GAS6: variants seen among roughly 807,000 people sequenced by gnomAD.
GAS6 encodes growth arrest-specific protein 6.
GAS6 carries 41 observed loss-of-function variants against 75.8 expected under a neutral mutation model. The ratio of observed to expected loss-of-function variants is 0.54; its 90% CI spans 0.42 to 0.70. The LOEUF (loss-of-function observed/expected upper bound fraction) is 0.70. Ranked by LOEUF, GAS6 falls within the 30% of genes least tolerant of loss-of-function variation. The pLI, the probability that GAS6 is intolerant of heterozygous loss-of-function variation, is 0.00. For missense variants in GAS6, 854 were observed against 940.2 expected (o/e 0.91, Z 1.20); for synonymous variants, 432 against 412.6 (o/e 1.05, Z -0.57).
chr13:113,827,103 G>A lies in GAS6; in HGVS notation c.1370C>T (p.Thr457Ile). ...GTTCACTTTCACCGTTTCCTGGATG[G>A]TGGTGTCTTCTCCGTTCAGCCAGTT... is the stretch of plus-strand genomic sequence containing the variant. ...SWNWLNGEDTTIQETVKVNTR... is the reference protein window; with the variant it reads ...SWNWLNGEDTIIQETVKVNTR... The change falls in exon 12 of 15, where the codon ACC becomes ATC. Residue 457 changes from threonine (T) to isoleucine (I), a missense_variant. Thr to Ile is a moderately conservative substitution (Grantham distance 89). Transcript: ENST00000327773. 4.3e-6 allele frequency: 7 copies of A among 1,613,442 alleles called. No homozygotes were observed. The highest frequency in any genetic ancestry group is 5.9e-6 in the Non-Finnish European group (7 of 1,179,896).
chr13:113,824,449 T>C (rs1337522928), intron 12 of GAS6, among the ~76,000 whole-genome samples: 1 of 151,552 alleles, frequency 6.6e-6, no homozygotes, highest in Non-Finnish European at 1.5e-5. Flanking sequence ...CGGGAACATG[T>C]GTGGTCTCCC....
intron 3 of GAS6, chr13:113,847,207 T>G (rs1236824282): frequency 7.1e-6 from 2 of 281,880 alleles, no homozygotes; most frequent in Non-Finnish European, 1.4e-5. Context: ...GAAGGCCTCC[T>G]GCAGGTGTGC....
At chr13:113,855,411 G>A (rs1156991872) in intron 2 of GAS6, among the ~76,000 whole-genome samples, 2 of 152,214 alleles carry the variant, frequency 1.3e-5, no homozygotes, top group African/African-American at 4.8e-5. Context: ...CAGCCACCAC[G>A]TTCTATGATC....
chr13:113,863,859 A>G lies in GAS6; in HGVS notation c.62T>C (p.Leu21Pro). Reference sequence around the variant, plus strand: ...AAGCGCGCACTCCGCGGCCAGCAGCAGCAGCAGCAGCTGCGGCGCGCGGCG... The same window carrying G: ...AAGCGCGCACTCCGCGGCCAGCAGCGGCAGCAGCAGCTGCGGCGCGCGGCG... ...ALRRAPQLLL[L>P]LLAAECALAA... is the part of the protein sequence containing the mutation. The change falls in exon 1 of 15, where the codon CTG becomes CCG. Residue 21 changes from leucine to proline, a missense_variant. Transcript: ENST00000327773. This position sits in a 1 kb window ranked among gnomAD's most constrained non-coding sequence, Gnocchi z 9.4. 8.0e-7 allele frequency: 1 copy of G among 1,254,040 alleles called. No homozygotes were observed. Among genetic ancestry groups the G allele is most frequent in the Non-Finnish European group, 1.0e-6 (1 of 1,003,378 alleles). The allele number at this position is 1,254,040 out of a possible 1,614,324, so 77.7% of individuals were successfully genotyped here.
rs773402879 is a variant in GAS6 at position 113,851,247 on chromosome 13, ATGAG to A, written c.256-3201_256-3198del. Among the ~76,000 whole-genome samples the A allele has an allele frequency of 1.9e-3, 292 of 151,334 alleles. 1 individual carries two copies. The highest frequency in any genetic ancestry group is 2.4e-3 in the Non-Finnish European group (165 of 67,856). ...GATGGATGGATGAATGAATAAAACA[ATGAG>A]TGAATAGATGGATGAGTGAGTGTAT... is the stretch of plus-strand genomic sequence containing the variant. On this transcript the variant is annotated intron_variant, in intron 2 of 14. Coordinates refer to ENST00000327773, the MANE Select transcript of GAS6 (RefSeq NM_000820.4).
At position 113,824,092 on chromosome 13, in the gene GAS6, AGCACCCGCGGTCTGAGT is replaced by A. The variant is rs1270705911; in HGVS notation, c.1478-559_1478-543del. On this transcript the variant is annotated intron_variant, in intron 12 of 14. Coordinates refer to ENST00000327773, the MANE Select transcript of GAS6 (RefSeq NM_000820.4). ...GCGGTCTGGGGTCTGAGCTGTCAGG[AGCACCCGCGGTCTGAGT>A]TCTGAGCTGTCAGGAGCACCGTGGT... Among the ~76,000 whole-genome samples the A allele has an allele frequency of 3.4e-3, 500 of 147,814 alleles. 5 individuals carry two copies. The highest frequency in any genetic ancestry group is 9.8e-3 in the African/African-American group (388 of 39,554).
At chr13:113,835,693 G>C (rs1312284287) in intron 6 of GAS6, 58 bp from the exon 7 acceptor site, 1 of 1,588,736 alleles carries the variant, frequency 6.3e-7, no homozygotes, top group South Asian at 1.1e-5. Flanking sequence ...ACGGGGCTGG[G>C]GCAGGCGGCT....
At chr13:113,843,828 T>C (rs1254738583) in intron 4 of GAS6, 1 of 150,830 alleles carries the variant, frequency 6.6e-6, no homozygotes, top group African/African-American at 2.5e-5. Flanking sequence ...AATTTCACAA[T>C]GACCGATAAC....
chr13:113,862,199 C>T (rs1257064862), intron 2 of GAS6, among the ~76,000 whole-genome samples: 1 of 152,214 alleles, frequency 6.6e-6, no homozygotes, highest in African/African-American at 2.4e-5. Flanking sequence ...CCCTGCAGGT[C>T]CTGGAGGACA....
In GAS6 at chr13:113,863,468, G is replaced by A; in HGVS notation, c.255+107C>T. ...GGGGCTCCTGGGACCCTGAGGCCAG[G>A]CCTCGCCGCGCGGAGCTGGGGGGCG... On this transcript the variant is annotated intron_variant, in intron 2 of 14. Coordinates refer to ENST00000327773, the MANE Select transcript of GAS6 (RefSeq NM_000820.4). The surrounding 1 kb of genome is among the most constrained non-coding windows in gnomAD (Gnocchi z 9.4). 1 of 1,160,280 alleles carries A rather than the reference G, an allele frequency of 8.6e-7. No homozygotes were observed. 71.9% of individuals were successfully genotyped at this position (1,160,280 alleles called of 1,614,324 possible).
intron 4 of GAS6, among the ~76,000 whole-genome samples, chr13:113,846,245 C>T (rs776517024): frequency 6.6e-6 from 1 of 152,246 alleles, no homozygotes; most frequent in African/African-American, 2.4e-5. Flanking sequence ...ACTGTAACTA[C>T]GGTGGTGTCT....
intron 10 of GAS6, 45 bp downstream of exon 10, chr13:113,832,254 G>A: frequency 1.3e-6 from 2 of 1,576,350 alleles, no homozygotes; most frequent in Non-Finnish European, 1.7e-6. Context: ...TCTGGCTCAG[G>A]GAGAACCCCG....
chr13:113,830,773 GGGCCCCTCCTCCCCA>G lies in GAS6; in HGVS notation c.1143+1511_1143+1525del, dbSNP rs1566358465. 8.6e-4 allele frequency among the ~76,000 whole-genome samples: 105 copies of G among 121,518 alleles called. 9 individuals are homozygous for G. Among genetic ancestry groups the G allele is most frequent in the Middle Eastern group, 4.5e-3 (1 of 220 alleles). The allele number at this position is 121,518 out of a possible 152,430, so 79.7% of individuals were successfully genotyped here. On this transcript the variant is annotated intron_variant, in intron 10 of 14. Coordinates refer to ENST00000327773, the MANE Select transcript of GAS6 (RefSeq NM_000820.4). ...GACCTCGCCTCAGGCCACCTGCCCC[GGGCCCCTCCTCCCCA>G]TGGCTCCATCCCCTGCAACACCGCT...
At chr13:113,825,824 A>G (rs12866537) in intron 12 of GAS6, among the ~76,000 whole-genome samples, 20,018 of 114,352 alleles carry the variant, frequency 0.18, 1,441 homozygotes, top group Middle Eastern at 0.26. Context: ...ACCCGGGGGG[A>G]GACGGTGACA....
At position 113,837,362 on chromosome 13, in the gene GAS6, C is replaced by T. The variant is rs566458806; in HGVS notation, c.589+707G>A. On this transcript the variant is annotated intron_variant, in intron 6 of 14. Coordinates refer to ENST00000327773, the MANE Select transcript of GAS6 (RefSeq NM_000820.4). The surrounding 1 kb of genome is among the most constrained non-coding windows in gnomAD (Gnocchi z 5.1). Reference sequence around the variant, plus strand: ...CCTGAGCAACTGTCTGTCCTGTCCACGCAGTTCGGTGTCCTGGACAGTCAG... The same window carrying T: ...CCTGAGCAACTGTCTGTCCTGTCCATGCAGTTCGGTGTCCTGGACAGTCAG... Among the ~76,000 whole-genome samples, 10 of 152,178 alleles carry T rather than the reference C, an allele frequency of 6.6e-5. No homozygotes were observed. In the South Asian group the frequency reaches 1.2e-3, roughly 19 times the overall value.
chr13:113,859,318 A>G (rs1468036757), intron 2 of GAS6, among the ~76,000 whole-genome samples: 7 of 144,904 alleles, frequency 4.8e-5, no homozygotes, highest in Non-Finnish European at 7.6e-5. Flanking sequence ...GTCTGTTAGT[A>G]TGTGTGTGCA....
rs535022032 is a variant in GAS6 at position 113,858,795 on chromosome 13, CTG to C, written c.255+4778_255+4779del. Among the ~76,000 whole-genome samples, 884 of 138,062 alleles carry C rather than the reference CTG, an allele frequency of 6.4e-3. 3 individuals are homozygous for C. Among genetic ancestry groups the C allele is most frequent in the Non-Finnish European group, 0.01 (661 of 64,434 alleles). The allele number at this position is 138,062 out of a possible 152,430, so 90.6% of individuals were successfully genotyped here. On this transcript the variant is annotated intron_variant, in intron 2 of 14. Transcript: ENST00000327773. ...TATGCATGTGTGTACATGTCTGTGA[CTG>C]TATGTATGTCTATGTGAATGTGTGC...
chr13:113,821,914 C>T, intron 14 of GAS6, 44 bp downstream of exon 14: 1 of 1,455,732 alleles, frequency 6.9e-7, no homozygotes, highest in Non-Finnish European at 9.2e-7. Context: ...GCTGGGCCTC[C>T]CTGGAGCTCT....
In GAS6 at chr13:113,863,155, G is replaced by A. The variant is rs2051986516; in HGVS notation, c.255+420C>T. Among the ~76,000 whole-genome samples the A allele has an allele frequency of 6.6e-6, 1 of 152,264 alleles. No homozygotes were observed. Among genetic ancestry groups the A allele is most frequent in the Middle Eastern group, 3.4e-3 (1 of 294 alleles). ...GCTGCCGCAAGCAGTTCCCGCCCTC[G>A]GCCCTTTCAATTCCTCTTTCGGGAG... On this transcript the variant is annotated intron_variant, in intron 2 of 14. Coordinates refer to ENST00000327773, the MANE Select transcript of GAS6 (RefSeq NM_000820.4). This position sits in a 1 kb window ranked among gnomAD's most constrained non-coding sequence, Gnocchi z 9.4.
Sources: gnomAD v4.1 joint callset for allele counts (sites outside exome capture counted in the v4.1 genomes callset) on GRCh38, gnomAD v4.1.1 for gene constraint, Gnocchi (gnomAD v3.1) non-coding constraint, MANE v1.5 for transcripts, NCBI Gene and HGNC (gene_info 2026-07-23, HGNC 2026-07-21) for gene names.